Variants in CNBD1 observed in about 807,000 individuals in gnomAD.
The protein encoded by CNBD1 is cyclic nucleotide binding domain containing 1, also known as cyclic nucleotide-binding domain-containing protein 1.
In CNBD1, 71 loss-of-function variants were observed where a neutral mutation model predicts 54.4. That is an observed-to-expected ratio of 1.30 (90% CI 1.08 to 1.59). CNBD1 has a LOEUF of 1.59. Among genes scored for constraint, CNBD1 ranks in the 40% most tolerant of loss-of-function variants. The pLI is 0.00. For missense variants in CNBD1, 659 were observed against 518.0 expected (o/e 1.27, Z -2.64); for synonymous variants, 182 against 170.7 (o/e 1.07, Z -0.51).
At chr8:86,945,517 C>G (rs1405512058) in intron 4 of CNBD1, among the ~76,000 whole-genome samples, 1 of 152,144 alleles carries the variant, frequency 6.6e-6, no homozygotes, top group African/African-American at 2.4e-5. Flanking sequence ...ATTGCAGTCT[C>G]AAACTATATT....
intron 4 of CNBD1, among the ~76,000 whole-genome samples, chr8:87,002,975 A>T (rs1454520446): frequency 1.3e-5 from 2 of 152,322 alleles, no homozygotes; most frequent in East Asian, 3.9e-4. Context: ...AGAAAAGATG[A>T]TAAGAAAATT....
intron 1 of CNBD1, among the ~76,000 whole-genome samples, chr8:86,878,834 AT>A (rs1808563749): frequency 6.6e-6 from 1 of 152,182 alleles, no homozygotes; most frequent in Non-Finnish European, 1.5e-5. Flanking sequence ...TTTGGTTGAT[AT>A]TATTCAGAAT....
intron 5 of CNBD1, among the ~76,000 whole-genome samples, chr8:87,223,532 G>T (rs1009035281): frequency 3.9e-5 from 6 of 151,932 alleles, no homozygotes; most frequent in Non-Finnish European, 4.4e-5. Context: ...GAGAATGATG[G>T]TTTCCAATGT....
intron 4 of CNBD1, among the ~76,000 whole-genome samples, chr8:87,050,732 C>T (rs1810294432): frequency 6.6e-6 from 1 of 152,176 alleles, no homozygotes; most frequent in Non-Finnish European, 1.5e-5. Context: ...TTAATTCGAA[C>T]CACAGCCTCA....
intron 4 of CNBD1, among the ~76,000 whole-genome samples, chr8:87,190,186 C>T (rs1345861366): frequency 3.3e-5 from 5 of 152,048 alleles, no homozygotes; most frequent in Non-Finnish European, 2.9e-5. Flanking sequence ...TTGCTAAGGT[C>T]CAGGGATTTT....
rs113239515 is a variant in CNBD1, at chr8:86,949,583, A to G, written c.431+9829A>G. Among the ~76,000 whole-genome samples the G allele has an allele frequency of 2.9e-3, 444 of 152,186 alleles. 3 individuals carry two copies. The highest frequency in any genetic ancestry group is 0.01 in the African/African-American group (431 of 41,550). ...TTTTGATTTTGTATCTTGCAGTTTT[A>G]CTGAATTTGTTCATCAGTTCTAATC... is the stretch of plus-strand genomic sequence containing the variant. On this transcript the variant is annotated intron_variant, in intron 4 of 10. Transcript: ENST00000518476.
At chr8:87,154,106 T>C (rs1250450557) in intron 4 of CNBD1, among the ~76,000 whole-genome samples, 1 of 152,168 alleles carries the variant, frequency 6.6e-6, no homozygotes, top group Non-Finnish European at 1.5e-5. Flanking sequence ...CATTCGTCTT[T>C]CTAGGATTAT....
chr8:87,230,634 G>A (rs1814664983), intron 5 of CNBD1, among the ~76,000 whole-genome samples: 1 of 152,062 alleles, frequency 6.6e-6, no homozygotes, highest in African/African-American at 2.4e-5. Flanking sequence ...ACAATGTATG[G>A]TTTTCTGGGT....
intron 8 of CNBD1, among the ~76,000 whole-genome samples, chr8:87,313,824 C>T (rs1016334615): frequency 3.3e-5 from 5 of 151,856 alleles, no homozygotes; most frequent in Non-Finnish European, 5.9e-5. Context: ...ACTCTTTTTA[C>T]ATAAATGACA....
At chr8:87,236,750 T>C (rs765967855) in intron 5 of CNBD1, among the ~76,000 whole-genome samples, 169 bp from the exon 6 acceptor site, 3 of 152,144 alleles carry the variant, frequency 2.0e-5, no homozygotes, top group Non-Finnish European at 4.4e-5. Flanking sequence ...TTGTTATTCT[T>C]GTTACTTGAG....
chr8:86,980,621 C>T (rs765152689), intron 4 of CNBD1, among the ~76,000 whole-genome samples: 10 of 152,082 alleles, frequency 6.6e-5, no homozygotes, highest in African/African-American at 1.2e-4. Context: ...GGATTGCTTA[C>T]TTTTTTTGGT....
intron 4 of CNBD1, among the ~76,000 whole-genome samples, chr8:87,062,881 T>C (rs1019096851): frequency 2.0e-5 from 3 of 152,142 alleles, no homozygotes; most frequent in African/African-American, 7.2e-5. Flanking sequence ...GTAATGCATA[T>C]TAAAAAAAAA....
intron 8 of CNBD1, among the ~76,000 whole-genome samples, chr8:87,341,643 T>C (rs971688330): frequency 6.6e-6 from 1 of 152,204 alleles, no homozygotes; most frequent in South Asian, 2.1e-4. Flanking sequence ...ATTGGTGCAA[T>C]CATAAATGGG....
At chr8:86,962,282 A>G (rs1045172112) in intron 4 of CNBD1, among the ~76,000 whole-genome samples, 6 of 152,222 alleles carry the variant, frequency 3.9e-5, no homozygotes, top group African/African-American at 1.4e-4. Flanking sequence ...ATGAGAAAAG[A>G]CATACAGGCC....
chr8:87,353,623 A>T lies in CNBD1; in HGVS notation c.1153-13A>T, dbSNP rs1157969620. 4 of 1,526,156 alleles carry T rather than the reference A, an allele frequency of 2.6e-6. No individual in the cohort carries two copies. Among genetic ancestry groups the T allele is most frequent in the Non-Finnish European group, 3.6e-6 (4 of 1,119,318 alleles). The allele number at this position is 1,526,156 out of a possible 1,614,324, so 94.5% of individuals were successfully genotyped here. A position where few individuals can be genotyped will look rare whatever the true frequency, so the allele number is the denominator to read the frequency against. On this transcript the variant is annotated splice_polypyrimidine_tract_variant and intron_variant, in intron 9 of 10. Transcript: ENST00000518476. ...CAGTTGCATTAAACATCAATAATAT[A>T]TTTTTTTAACAGAAAAGATCTCAAA...
chr8:87,412,968 C>T (rs1402750226), intron 2 of CNBD1, among the ~76,000 whole-genome samples: 1 of 151,934 alleles, frequency 6.6e-6, no homozygotes, highest in African/African-American at 2.4e-5. Context: ...TGTCCTGTAC[C>T]TGTGAAGATA....
Position 87,209,630 on chromosome 8 carries a change from C to T in CNBD1, c.577+3492C>T, listed in dbSNP as rs534314500. Among the ~76,000 whole-genome samples the T allele has an allele frequency of 2.0e-5, 3 of 152,212 alleles. No individual in the cohort carries two copies. In the South Asian group the frequency reaches 6.2e-4, roughly 32 times the overall value. The stretch of plus-strand genomic sequence containing the variant: ...TTGATCTATAGATTCAGTGCATTCC[C>T]TATCAAAATTCCAGGACATTTTTCA... On this transcript the variant is annotated intron_variant, in intron 5 of 10. Coordinates refer to ENST00000518476, the MANE Select transcript of CNBD1 (RefSeq NM_173538.3).
chr8:87,148,095 T>C (rs1812527719), intron 4 of CNBD1, among the ~76,000 whole-genome samples: 1 of 152,202 alleles, frequency 6.6e-6, no homozygotes, highest in Non-Finnish European at 1.5e-5. Flanking sequence ...TGCATTCCAA[T>C]AGCAATCAGT....
At chr8:87,058,544 G>T (rs909621322) in intron 4 of CNBD1, among the ~76,000 whole-genome samples, 2 of 152,150 alleles carry the variant, frequency 1.3e-5, no homozygotes, top group Non-Finnish European at 2.9e-5. Flanking sequence ...CTGAAATCTA[G>T]GTGGAGGTTC....
Sources: gnomAD v4.1 joint callset for allele counts (sites outside exome capture counted in the v4.1 genomes callset) on GRCh38, gnomAD v4.1.1 for gene constraint, MANE v1.5 for transcripts, NCBI Gene and HGNC (gene_info 2026-07-23, HGNC 2026-07-21) for gene names.